Variants in PCDHA9 observed in about 807,000 individuals in gnomAD.
PCDHA9 encodes protocadherin alpha-9.
In PCDHA9, 62 loss-of-function variants were observed where a neutral mutation model predicts 62.0. The ratio of observed to expected loss-of-function variants is 1.00; its 90% CI spans 0.81 to 1.23. The LOEUF is 1.23. Among genes scored for constraint, PCDHA9 ranks in the 50% most tolerant of loss-of-function variants. PCDHA9 has a pLI of 0.00. For synonymous variants in PCDHA9, 557 were observed against 567.6 expected, an observed-to-expected ratio of 0.98 and a Z score of 0.27; for missense variants, 1,205 against 1,249.8, an observed-to-expected ratio of 0.96 and a Z score of 0.54.
chr5:140,929,167 T>G (rs781804558), intron 1 of PCDHA9: 2 of 1,614,144 alleles, frequency 1.2e-6, no homozygotes, highest in Non-Finnish European at 1.7e-6. Context: ...CTATCGGGCC[T>G]CTCTGGGACT....
intron 1 of PCDHA9, chr5:140,882,638 A>G (rs2059233239): frequency 5.0e-6 from 8 of 1,614,116 alleles, no homozygotes; most frequent in African/African-American, 1.3e-5. Context: ...GGTGAAGGTG[A>G]GGGACATTAA....
chr5:140,850,158 G>C lies in PCDHA9; in HGVS notation c.1663G>C (p.Val555Leu). The change falls in exon 1 of 4, where the codon GTG (valine) becomes CTG (leucine). Residue 555 changes from valine to leucine, a missense_variant. Val to Leu is a conservative substitution (Grantham distance 32). Around this residue, in one of 3 missense-constraint regions of PCDHA9, gnomAD observed 887 missense variants for 809.5 expected, o/e 1.10. Transcript: ENST00000532602. ...CAGCAACGTGACGCTGCAGGTGTTC[G>C]TGCTGGACGAGAACGACAATGCGCC... ...LGSNVTLQVF[V>L]LDENDNAPAL... 1 of 1,595,230 alleles carries C rather than the reference G, an allele frequency of 6.3e-7. No homozygotes were observed. The highest frequency in any genetic ancestry group is 8.6e-7 in the Non-Finnish European group (1 of 1,167,830).
intron 1 of PCDHA9, chr5:140,928,751 C>T (rs1387564129): frequency 6.2e-7 from 1 of 1,614,180 alleles, no homozygotes; most frequent in Non-Finnish European, 8.5e-7. Flanking sequence ...GAGCTCCGTA[C>T]TGCTCGCTTA....
intron 1 of PCDHA9, chr5:140,857,399 G>T (rs375062704): frequency 6.3e-7 from 1 of 1,598,510 alleles, no homozygotes; most frequent in Non-Finnish European, 8.6e-7. Context: ...GAACGACAAC[G>T]CGCCTGCGTT....
chr5:140,987,797 T>A (rs967250070), intron 3 of PCDHA9, among the ~76,000 whole-genome samples: 23 of 152,308 alleles, frequency 1.5e-4, no homozygotes, highest in African/African-American at 4.3e-4. Flanking sequence ...AAGATTTTTT[T>A]AAAGTGCCTG....
intron 1 of PCDHA9, chr5:140,862,055 T>A (rs562841635): frequency 6.4e-6 from 1 of 155,712 alleles, no homozygotes; most frequent in East Asian, 1.9e-4. Context: ...ATTGTTTCTT[T>A]GCAACTGATG....
At chr5:140,871,134 C>G in intron 1 of PCDHA9, 9 of 1,613,414 alleles carry the variant, frequency 5.6e-6, no homozygotes, top group Non-Finnish European at 6.8e-6. Flanking sequence ...CGCCAAAGGC[C>G]TCTTCCCGGA....
rs946669637 is a variant in PCDHA9, at chr5:140,923,020, G to C, written c.2395-55929G>C. On this transcript the variant is annotated intron_variant, in intron 1 of 3. Coordinates refer to ENST00000532602, the MANE Select transcript of PCDHA9 (RefSeq NM_031857.2). ...AGAATGGTTGTTGGACTGCAGTTTCGGACTCTATTACTACATGTATAGTAT... is the reference window on the plus strand; with the variant it reads ...AGAATGGTTGTTGGACTGCAGTTTCCGACTCTATTACTACATGTATAGTAT... Among the ~76,000 whole-genome samples the C allele has an allele frequency of 2.0e-5, 3 of 152,230 alleles. No homozygotes were observed. The East Asian group carries it at 5.8e-4, about 29-fold the overall frequency.
intron 1 of PCDHA9, chr5:140,928,743 G>C: frequency 6.2e-7 from 1 of 1,614,138 alleles, no homozygotes; most frequent in Non-Finnish European, 8.5e-7. Context: ...ATATAGGTGA[G>C]CTCCGTACTG....
chr5:140,849,832 C>G lies in PCDHA9; in HGVS notation c.1337C>G (p.Ala446Gly). The G allele has an allele frequency of 6.3e-7, 1 of 1,598,398 alleles. No individual in the cohort carries two copies. The highest frequency in any genetic ancestry group is 1.1e-5 in the South Asian group (1 of 90,532). Residue 446 changes from alanine (A) to glycine (G), a missense_variant, in exon 1 of 4, where the codon GCC becomes GGC. Coordinates refer to ENST00000532602, the MANE Select transcript of PCDHA9 (RefSeq NM_031857.2). ...ACGGCCAGGGTGTCTGTGGAGGTGGCCGACGTGAACGACAACGCACCAGCG... is the reference window on the plus strand; with the variant it reads ...ACGGCCAGGGTGTCTGTGGAGGTGGGCGACGTGAACGACAACGCACCAGCG... ...WATARVSVEV[A>G]DVNDNAPAFA...
intron 1 of PCDHA9, among the ~76,000 whole-genome samples, chr5:140,945,334 A>G (rs1352254498): frequency 6.6e-6 from 1 of 152,134 alleles, no homozygotes; most frequent in Non-Finnish European, 1.5e-5. Flanking sequence ...TTTTATGTTC[A>G]TAGCTTGGAA....
At chr5:141,009,511 G>C in intron 3 of PCDHA9, 116 bp from the exon 4 acceptor site, 2 of 1,498,174 alleles carry the variant, frequency 1.3e-6, no homozygotes, top group Non-Finnish European at 1.8e-6. Context: ...CAAACAACTC[G>C]TGATTTTTCT....
At chr5:140,866,470 A>T (rs955596608) in intron 1 of PCDHA9, 1 of 152,128 alleles carries the variant, frequency 6.6e-6, no homozygotes, top group Non-Finnish European at 1.5e-5. Flanking sequence ...AGCTCATAAC[A>T]ACTGACAAAT....
chr5:140,906,963 G>A (rs150934602), intron 1 of PCDHA9, among the ~76,000 whole-genome samples: 2 of 152,098 alleles, frequency 1.3e-5, no homozygotes, highest in South Asian at 2.1e-4. Flanking sequence ...TAATGGAATC[G>A]TGGTTGTGTC....
At chr5:140,852,778 A>T (rs2150522420) in intron 1 of PCDHA9, 1 of 980,232 alleles carries the variant, frequency 1.0e-6, no homozygotes, top group East Asian at 1.1e-4. Flanking sequence ...TTTGATGTGA[A>T]TAGAGGGATG....
At chr5:140,865,437 T>A (rs951308725) in intron 1 of PCDHA9, 1 of 152,200 alleles carries the variant, frequency 6.6e-6, no homozygotes, top group Non-Finnish European at 1.5e-5. Flanking sequence ...GAAAAATAAC[T>A]TCTGAGAAGA....
At chr5:140,897,803 C>G (rs1285512803) in intron 1 of PCDHA9, among the ~76,000 whole-genome samples, 1 of 152,130 alleles carries the variant, frequency 6.6e-6, no homozygotes, top group Non-Finnish European at 1.5e-5. Context: ...AGAGTCCCAC[C>G]AACAGTGTAA....
At chr5:140,875,247 A>T in intron 1 of PCDHA9, 1 of 962,254 alleles carries the variant, frequency 1.0e-6, no homozygotes, top group Non-Finnish European at 1.5e-6. Flanking sequence ...TTACATAATC[A>T]GTCACATGAT....
At chr5:140,946,540 T>G (rs1182532418) in intron 1 of PCDHA9, among the ~76,000 whole-genome samples, 1 of 150,344 alleles carries the variant, frequency 6.7e-6, no homozygotes, top group African/African-American at 2.5e-5. Context: ...CATTGCAGCA[T>G]TATTCATGAT....
Sources: allele counts gnomAD v4.1 joint callset (sites outside exome capture counted in the v4.1 genomes callset), GRCh38; gene constraint gnomAD v4.1.1; regional missense constraint gnomAD v4.1.1; transcripts MANE v1.5; gene names NCBI Gene and HGNC (gene_info 2026-07-23, HGNC 2026-07-21).